Variants in PHF5A observed in about 807,000 individuals in gnomAD.
PHF5A encodes PHD finger-like domain-containing protein 5A.
For missense variants in PHF5A, 24 were observed against 140.6 expected, an observed-to-expected ratio of 0.17 and a Z score of 4.19; for synonymous variants, 52 against 46.0, an observed-to-expected ratio of 1.13 and a Z score of -0.52.
At chr22:41,462,752 A>C (rs766645338) in intron 3 of PHF5A, among the ~76,000 whole-genome samples, 1 of 152,174 alleles carries the variant, frequency 6.6e-6, no homozygotes, top group Non-Finnish European at 1.5e-5. Context: ...AAAGAAGAAG[A>C]CTGGATCAGG....
intron 3 of PHF5A, among the ~76,000 whole-genome samples, chr22:41,461,754 C>T (rs1365978353): frequency 1.3e-5 from 2 of 152,140 alleles, no homozygotes; most frequent in African/African-American, 2.4e-5. Context: ...CCTCCGCCTT[C>T]CGGGTTCAAG....
At chr22:41,463,309 C>T (rs557810680) in intron 3 of PHF5A, among the ~76,000 whole-genome samples, 7 of 152,010 alleles carry the variant, frequency 4.6e-5, no homozygotes, top group African/African-American at 7.2e-5. Flanking sequence ...CACTGAGTCA[C>T]GACGGGCGTG....
At position 41,466,135 on chromosome 22, in the gene PHF5A, G is replaced by A. The variant is rs933618188; in HGVS notation, c.243+1313C>T. On this transcript the variant is annotated intron_variant, in intron 3 of 3. Transcript: ENST00000216252. ...GAATTAGAATTAAATTAGATAACTA[G>A]GTACCATCATTAACCTAGTGAGACT... Among the ~76,000 whole-genome samples the A allele has an allele frequency of 1.3e-5, 2 of 152,088 alleles. 1 individual carries two copies. The highest frequency in any genetic ancestry group is 4.1e-4 in the South Asian group (2 of 4,828).
chr22:41,463,638 T>C (rs937753780), intron 3 of PHF5A, among the ~76,000 whole-genome samples: 5 of 148,848 alleles, frequency 3.4e-5, no homozygotes, highest in Middle Eastern at 3.3e-3. Context: ...GACGGAAGAA[T>C]TGCTTGAACC....
At position 41,468,576 on chromosome 22, in the gene PHF5A, C is replaced by G. The variant is rs1459650597; in HGVS notation, c.52+26G>C. Reference sequence around the variant, plus strand: ...GCTCCTAATACCACCCCTGCCCAGACAGCCAGGGGTAGGGCGCAGTCTCAC... The same window carrying G: ...GCTCCTAATACCACCCCTGCCCAGAGAGCCAGGGGTAGGGCGCAGTCTCAC... On this transcript the variant is annotated intron_variant, in intron 1 of 3. Transcript: ENST00000216252. 4.3e-6 allele frequency: 7 copies of G among 1,612,536 alleles called. No individual in the cohort carries two copies. In the African/African-American group the frequency reaches 5.3e-5, roughly 12 times the overall value.
In PHF5A at chr22:41,468,422, AC is replaced by A. The variant is rs1234075389; in HGVS notation, c.52+179del. 27 of 490,336 alleles carry A rather than the reference AC, an allele frequency of 5.5e-5. 1 individual carries two copies. The highest frequency in any genetic ancestry group is 5.3e-4 in the South Asian group (24 of 45,530). 30.4% of individuals were successfully genotyped at this position (490,336 alleles called of 1,614,324 possible). On this transcript the variant is annotated intron_variant, in intron 1 of 3. Transcript: ENST00000216252. Reference sequence around the variant, plus strand: ...CCTGCCTGGGGCTCCCAGCACGCGCACCCCCGCCCTCTTCTCATCAGAGGCC... The same window carrying A: ...CCTGCCTGGGGCTCCCAGCACGCGCACCCCGCCCTCTTCTCATCAGAGGCC...
At chr22:41,465,640 G>A (rs1296929592) in intron 3 of PHF5A, among the ~76,000 whole-genome samples, 1 of 152,140 alleles carries the variant, frequency 6.6e-6, no homozygotes, top group Non-Finnish European at 1.5e-5. Context: ...CCAGCACTTC[G>A]GGAGGCCCAG....
chr22:41,468,541 C>G, intron 1 of PHF5A, 61 bp downstream of exon 1: 2 of 1,569,980 alleles, frequency 1.3e-6, no homozygotes, highest in Non-Finnish European at 1.8e-6. Context: ...CGGGAACCCC[C>G]GACCCCCCAG....
At position 41,467,381 on chromosome 22, in the gene PHF5A, T is replaced by C. The variant is rs190559480; in HGVS notation, c.243+67A>G. 3.4e-3 allele frequency: 5,044 copies of C among 1,478,020 alleles called. 14 individuals carry two copies. The highest frequency in any genetic ancestry group is 4.3e-3 in the Non-Finnish European group (4,588 of 1,067,554). The allele number at this position is 1,478,020 out of a possible 1,614,324, so 91.6% of individuals were successfully genotyped here. ...AGTAATCTCCATAGACCATAGGAGATTGCAGTGGATGGCAAAGTGTTACTA... is the reference window on the plus strand; with the variant it reads ...AGTAATCTCCATAGACCATAGGAGACTGCAGTGGATGGCAAAGTGTTACTA... On this transcript the variant is annotated intron_variant, in intron 3 of 3. Coordinates refer to ENST00000216252, the MANE Select transcript of PHF5A (RefSeq NM_032758.4).
At chr22:41,468,266 G>A (rs998554477) in intron 1 of PHF5A, 119 bp from the exon 2 acceptor site, 18 of 893,542 alleles carry the variant, frequency 2.0e-5, no homozygotes, top group South Asian at 1.4e-4. Flanking sequence ...TGAGACCTGC[G>A]GATAGCCATT....
At chr22:41,462,768 G>C (rs925934600) in intron 3 of PHF5A, among the ~76,000 whole-genome samples, 1 of 152,006 alleles carries the variant, frequency 6.6e-6, no homozygotes, top group African/African-American at 2.4e-5. Context: ...TCAGGTCAAG[G>C]TTTACAAACT....
intron 1 of PHF5A, 56 bp from the exon 2 acceptor site, chr22:41,468,203 GAGA>G: frequency 1.3e-6 from 2 of 1,589,636 alleles, no homozygotes; most frequent in Non-Finnish European, 1.7e-6. Context: ...TGAGAAAGAG[GAGA>G]AGTACATCCT....
rs1469366298 is a variant in PHF5A at position 41,460,043 on chromosome 22, C to T, written c.*355G>A. The stretch of plus-strand genomic sequence containing the variant: ...ATGTTTTTCACTGGGCGTCGCTTCA[C>T]AGTCAGTTCCTCAAGCAGAAGACTA... On this transcript the variant is annotated 3_prime_UTR_variant, in exon 4 of 4. Transcript: ENST00000216252. 1 of 153,558 alleles carries T rather than the reference C, an allele frequency of 6.5e-6. No homozygotes were observed. Among genetic ancestry groups the T allele is most frequent in the Non-Finnish European group, 1.4e-5 (1 of 69,740 alleles). The allele number at this position is 153,558 out of a possible 1,614,324, so 9.5% of individuals were successfully genotyped here.
At chr22:41,468,404 G>A in intron 1 of PHF5A, 198 bp downstream of exon 1, 1 of 651,142 alleles carries the variant, frequency 1.5e-6, no homozygotes, top group Non-Finnish European at 2.6e-6. Context: ...ATACCTGCCT[G>A]GGGCTCCCAG....
intron 3 of PHF5A, among the ~76,000 whole-genome samples, chr22:41,462,489 G>A (rs2037834025): frequency 6.6e-6 from 1 of 152,166 alleles, no homozygotes; most frequent in Non-Finnish European, 1.5e-5. Context: ...GTGTACCAAG[G>A]AAGCCGCCTA....
chr22:41,462,225 G>T (rs2037832610), intron 3 of PHF5A, among the ~76,000 whole-genome samples: 1 of 152,152 alleles, frequency 6.6e-6, no homozygotes, highest in Non-Finnish European at 1.5e-5. Flanking sequence ...AACCGGGGAA[G>T]CTGTAACTGG....
intron 3 of PHF5A, among the ~76,000 whole-genome samples, chr22:41,465,019 G>A (rs1464470375): frequency 6.6e-6 from 1 of 152,206 alleles, no homozygotes; most frequent in African/African-American, 2.4e-5. Flanking sequence ...CTAGCTAGTA[G>A]ACTAGATTTG....
intron 3 of PHF5A, among the ~76,000 whole-genome samples, chr22:41,461,748 C>T (rs1475427283): frequency 2.6e-5 from 4 of 151,968 alleles, no homozygotes; most frequent in African/African-American, 7.3e-5. Flanking sequence ...CTGCAACCTC[C>T]GCCTTCCGGG....
intron 2 of PHF5A, 95 bp downstream of exon 2, chr22:41,468,029 C>A: frequency 7.5e-7 from 1 of 1,339,306 alleles, no homozygotes; most frequent in Non-Finnish European, 1.1e-6. Context: ...CTTCCAGGCA[C>A]ATCTACTCAA....
Sources: gnomAD v4.1 joint callset for allele counts (sites outside exome capture counted in the v4.1 genomes callset) on GRCh38, gnomAD v4.1.1 for gene constraint, MANE v1.5 for transcripts, NCBI Gene and HGNC (gene_info 2026-07-23, HGNC 2026-07-21) for gene names.